SLC9A9: variants seen among roughly 807,000 people sequenced by gnomAD.
SLC9A9 encodes solute carrier family 9 member A9, also known as sodium/hydrogen exchanger 9.
A neutral mutation model predicts 77.8 loss-of-function variants in SLC9A9; 62 were observed. The ratio of observed to expected loss-of-function variants is 0.80; its 90% confidence interval spans 0.65 to 0.98. SLC9A9 has a LOEUF of 0.98. SLC9A9 is among the 50% of genes least tolerant of loss of function. The pLI, the probability that SLC9A9 is intolerant of heterozygous loss-of-function variation, is 0.00. For missense variants in SLC9A9, 775 were observed against 774.9 expected, an observed-to-expected ratio of 1.00 and a Z score of 0.00; for synonymous variants, 320 against 283.5, an observed-to-expected ratio of 1.13 and a Z score of -1.29.
chr3:143,405,067 AG>A (rs1454319283), intron 12 of SLC9A9, among the ~76,000 whole-genome samples: 1 of 152,180 alleles, frequency 6.6e-6, no homozygotes, highest in Non-Finnish European at 1.5e-5. Context: ...GGGGCATCCA[AG>A]GGGGTGTAAC....
chr3:143,406,402 A>T (rs2108515993), intron 12 of SLC9A9, among the ~76,000 whole-genome samples: 1 of 151,312 alleles, frequency 6.6e-6, no homozygotes, highest in Non-Finnish European at 1.5e-5. Flanking sequence ...TTTGAGATGG[A>T]ATCTCACTCT....
chr3:143,577,366 A>G (rs922305336), intron 7 of SLC9A9, among the ~76,000 whole-genome samples: 2 of 152,064 alleles, frequency 1.3e-5, no homozygotes, highest in Admixed American at 1.3e-4. Flanking sequence ...CGCCTCCTGA[A>G]TCACCGACTG....
chr3:143,740,244 A>G (rs1935044164), intron 4 of SLC9A9, among the ~76,000 whole-genome samples: 1 of 152,172 alleles, frequency 6.6e-6, no homozygotes, highest in African/African-American at 2.4e-5. Context: ...AAAAAATGAG[A>G]GAGAGAGATA....
intron 14 of SLC9A9, among the ~76,000 whole-genome samples, chr3:143,352,706 CATTT>C (rs2032493052): frequency 6.6e-6 from 1 of 152,124 alleles, no homozygotes; most frequent in African/African-American, 2.4e-5. Flanking sequence ...TATATTAACT[CATTT>C]ATATTGGGAA....
At chr3:143,526,540 T>A (rs1484396161) in intron 9 of SLC9A9, among the ~76,000 whole-genome samples, 4 of 152,134 alleles carry the variant, frequency 2.6e-5, no homozygotes, top group Non-Finnish European at 5.9e-5. Flanking sequence ...AAAGGCCCCC[T>A]CCTGTCCCCC....
chr3:143,796,346 C>A (rs568136138), intron 3 of SLC9A9, among the ~76,000 whole-genome samples: 2 of 152,088 alleles, frequency 1.3e-5, no homozygotes, highest in South Asian at 4.2e-4. Context: ...ATAATGCTGT[C>A]CAATAGAAAT....
intron 6 of SLC9A9, among the ~76,000 whole-genome samples, chr3:143,651,968 C>A (rs2108748403): frequency 9.3e-6 from 1 of 107,658 alleles, no homozygotes; most frequent in South Asian, 2.7e-4. Flanking sequence ...GAAAAAAGCT[C>A]ATTTATGTGC....
At position 143,266,433 on chromosome 3, in the gene SLC9A9, G is replaced by A. The variant is rs1255705206; in HGVS notation, c.*269C>T. The A allele has an allele frequency of 4.3e-5, 24 of 555,982 alleles. No homozygotes were observed. The East Asian group carries it at 7.5e-4, about 17-fold the overall frequency. 34.4% of individuals were successfully genotyped at this position (555,982 alleles called of 1,614,324 possible). ...CAGCTGTCCCATCCTCCAGCAGCTA[G>A]ACTCCTGATACCTCCATCCCCACCC... On this transcript the variant is annotated 3_prime_UTR_variant, in exon 16 of 16. Coordinates refer to ENST00000316549, the MANE Select transcript of SLC9A9 (RefSeq NM_173653.4).
chr3:143,409,814 C>G (rs1038540687), intron 12 of SLC9A9, among the ~76,000 whole-genome samples: 2 of 152,054 alleles, frequency 1.3e-5, no homozygotes. Context: ...AGATCTTGAC[C>G]AGCAATTCTT....
chr3:143,405,368 C>A (rs1055142347), intron 12 of SLC9A9, among the ~76,000 whole-genome samples: 9 of 152,130 alleles, frequency 5.9e-5, no homozygotes, highest in Non-Finnish European at 1.3e-4. Context: ...TAATATCTAC[C>A]CTACAAGCAA....
At chr3:143,599,005 A>G (rs994463216) in intron 6 of SLC9A9, among the ~76,000 whole-genome samples, 7 of 152,212 alleles carry the variant, frequency 4.6e-5, no homozygotes, top group African/African-American at 1.7e-4. Flanking sequence ...TAGAACCCAC[A>G]GGTCGCCTCA....
intron 12 of SLC9A9, among the ~76,000 whole-genome samples, chr3:143,432,629 T>C (rs1415856225): frequency 6.6e-6 from 1 of 152,140 alleles, no homozygotes; most frequent in Non-Finnish European, 1.5e-5. Context: ...TGGCTGATCT[T>C]GCCCACATTA....
At chr3:143,672,050 G>C (rs2039163105) in intron 5 of SLC9A9, among the ~76,000 whole-genome samples, 1 of 152,166 alleles carries the variant, frequency 6.6e-6, no homozygotes, top group Non-Finnish European at 1.5e-5. Context: ...TACTATATGA[G>C]AGCATTTTTT....
chr3:143,475,668 T>C (rs2035463802), intron 11 of SLC9A9, among the ~76,000 whole-genome samples: 2 of 151,840 alleles, frequency 1.3e-5, no homozygotes, highest in Non-Finnish European at 2.9e-5. Flanking sequence ...GGTGAATGCC[T>C]GTAGTCCCAG....
intron 12 of SLC9A9, among the ~76,000 whole-genome samples, chr3:143,401,025 C>T (rs190747282): frequency 6.6e-6 from 1 of 152,296 alleles, no homozygotes; most frequent in East Asian, 1.9e-4. Context: ...TTTCCCTCTA[C>T]ATCTACTCTA....
chr3:143,635,801 G>A (rs986715688), intron 6 of SLC9A9, among the ~76,000 whole-genome samples: 1 of 152,116 alleles, frequency 6.6e-6, no homozygotes, highest in Non-Finnish European at 1.5e-5. Flanking sequence ...AAACAGACTT[G>A]GCTCAGCATC....
At chr3:143,494,090 AG>A (rs1012844435) in intron 10 of SLC9A9, among the ~76,000 whole-genome samples, 10 of 152,216 alleles carry the variant, frequency 6.6e-5, no homozygotes, top group African/African-American at 2.4e-4. Flanking sequence ...AATGTGAGGC[AG>A]AGACCATTCA....
chr3:143,811,638 G>A, intron 2 of SLC9A9: 3 of 453,468 alleles, frequency 6.6e-6, no homozygotes, highest in Non-Finnish European at 8.8e-6. Context: ...TTGAGGCCAG[G>A]AGTTTGAGAC....
intron 6 of SLC9A9, among the ~76,000 whole-genome samples, chr3:143,619,591 T>A (rs1192789941): frequency 4.6e-5 from 7 of 152,216 alleles, no homozygotes; most frequent in Non-Finnish European, 8.8e-5. Context: ...CATGGTGTCA[T>A]GCTGTGTCAA....
Sources: gnomAD v4.1 joint callset for allele counts (sites outside exome capture counted in the v4.1 genomes callset) on GRCh38, gnomAD v4.1.1 for gene constraint, MANE v1.5 for transcripts, NCBI Gene and HGNC (gene_info 2026-07-23, HGNC 2026-07-21) for gene names.